Variants in BLTP2 observed in about 807,000 individuals in gnomAD.
BLTP2 encodes U937-associated antigen.
At chr17:28,631,557 A>G in the BLTP2 span, 3 of 1,614,134 alleles carry the variant, frequency 1.9e-6, no homozygotes, top group South Asian at 3.3e-5. Flanking sequence ...TTACCAAGGG[A>G]TCAAGACAGT....
chr17:28,617,276 C>T, the BLTP2 span: 1 of 1,614,008 alleles, frequency 6.2e-7, no homozygotes, highest in Non-Finnish European at 8.5e-7. Context: ...GTAAACCAGC[C>T]CAACTCCAGA....
At chr17:28,628,424 G>T in the BLTP2 span, 1 of 1,614,176 alleles carries the variant, frequency 6.2e-7, no homozygotes, top group East Asian at 2.2e-5. Context: ...TTACGTTTGA[G>T]TACAGCTGCC....
chr17:28,625,541 G>A, the BLTP2 span, among the ~76,000 whole-genome samples: 98 of 152,108 alleles, frequency 6.4e-4, 1 homozygote, highest in South Asian at 3.3e-3. Context: ...ATGCCCAAAT[G>A]TGAACTCAAC....
chr17:28,623,361 C>T, the BLTP2 span, among the ~76,000 whole-genome samples: 1 of 152,188 alleles, frequency 6.6e-6, no homozygotes, highest in Admixed American at 6.5e-5. Context: ...TTCAACCTCA[C>T]TGCCTTGCTG....
the BLTP2 span, chr17:28,616,416 C>G: frequency 6.2e-7 from 1 of 1,614,224 alleles, no homozygotes; most frequent in Non-Finnish European, 8.5e-7. This position sits in a 1 kb window ranked among gnomAD's most constrained non-coding sequence, Gnocchi z 4.8. Context: ...GACCCCAGAA[C>G]TCCGAGTCAA....
the BLTP2 span, among the ~76,000 whole-genome samples, chr17:28,623,534 G>C: frequency 6.6e-6 from 1 of 151,602 alleles, no homozygotes; most frequent in Non-Finnish European, 1.5e-5. Flanking sequence ...TTTTATACGA[G>C]TTCTGAGAAA....
the BLTP2 span, chr17:28,631,764 G>A: frequency 7.5e-6 from 12 of 1,602,452 alleles, no homozygotes; most frequent in East Asian, 2.5e-4. Context: ...GAATGGAACT[G>A]AGAAGGGAAA....
At chr17:28,627,276 C>A in the BLTP2 span, among the ~76,000 whole-genome samples, 1 of 152,280 alleles carries the variant, frequency 6.6e-6, no homozygotes, top group African/African-American at 2.4e-5. Flanking sequence ...ATTCCCTCTG[C>A]ATTGATTGCC....
At chr17:28,624,350 CCTAT>C in the BLTP2 span, 1 of 1,613,926 alleles carries the variant, frequency 6.2e-7, no homozygotes, top group Non-Finnish European at 8.5e-7. Flanking sequence ...ACACTACAAA[CCTAT>C]CTGTCTCTTC....
chr17:28,628,433 C>T, the BLTP2 span: 1 of 1,614,188 alleles, frequency 6.2e-7, no homozygotes, highest in Non-Finnish European at 8.5e-7. Flanking sequence ...AGTACAGCTG[C>T]CTTTTTGTAC....
chr17:28,643,717 T>C, the BLTP2 span: 3 of 1,499,066 alleles, frequency 2.0e-6, no homozygotes, highest in African/African-American at 1.4e-5. Flanking sequence ...CACGAGCAGC[T>C]TGACAAGCCA....
chr17:28,644,078 G>A, the BLTP2 span: 1 of 1,614,236 alleles, frequency 6.2e-7, no homozygotes, highest in Non-Finnish European at 8.5e-7. Context: ...TGGTGTTGCT[G>A]AAACTTAAGA....
At chr17:28,645,122 CGCA>C in the BLTP2 span, 1 of 1,381,908 alleles carries the variant, frequency 7.2e-7, no homozygotes, top group Non-Finnish European at 9.6e-7. Flanking sequence ...GCCGGATCCG[CGCA>C]GCACCGCCGC....
At chr17:28,640,509 A>C in the BLTP2 span, 90 of 1,604,552 alleles carry the variant, frequency 5.6e-5, no homozygotes, top group Non-Finnish European at 7.4e-5. Context: ...AGATACCAAC[A>C]TACAGCTCCC....
the BLTP2 span, chr17:28,635,791 G>A: frequency 1.7e-6 from 1 of 585,654 alleles, no homozygotes; most frequent in South Asian, 2.4e-5. Flanking sequence ...TGAGCTGACA[G>A]TTGATAGTGT....
the BLTP2 span, chr17:28,632,357 C>A: frequency 6.4e-6 from 5 of 779,174 alleles, no homozygotes; most frequent in East Asian, 1.0e-4. Context: ...CAGCACCTAG[C>A]CTCACATTCA....
At chr17:28,638,136 GCA>G in the BLTP2 span, 3 of 1,605,040 alleles carry the variant, frequency 1.9e-6, no homozygotes, top group Admixed American at 1.7e-5. Flanking sequence ...GTATGCAGGC[GCA>G]CAGTTTTATA....
the BLTP2 span, chr17:28,642,268 T>C: frequency 6.2e-7 from 1 of 1,614,004 alleles, no homozygotes; most frequent in Admixed American, 1.7e-5. Flanking sequence ...GATCATGGCA[T>C]ACTTACCAGC....
the BLTP2 span, chr17:28,639,758 TG>T: frequency 7.1e-7 from 1 of 1,407,848 alleles, no homozygotes; most frequent in Non-Finnish European, 1.0e-6. Context: ...ACTTGTGAGC[TG>T]GGGCTATTTT....
Sources: gnomAD v4.1 joint callset for allele counts (sites outside exome capture counted in the v4.1 genomes callset) on GRCh38, gnomAD v4.1.1 for gene constraint, Gnocchi (gnomAD v3.1) non-coding constraint, MANE v1.5 for transcripts, NCBI Gene and HGNC (gene_info 2026-07-23, HGNC 2026-07-21) for gene names.